Variants in ZNF429 observed in about 807,000 individuals in gnomAD.
ZNF429 encodes the protein zinc finger protein 429.
Under a neutral mutation model 56.8 loss-of-function variants are expected in ZNF429, and 53 were observed. The ratio of observed to expected loss-of-function variants is 0.93; its 90% CI spans 0.75 to 1.17. The LOEUF is 1.17. Among genes scored for constraint, ZNF429 ranks in the 50% most tolerant of loss-of-function variants. The pLI, the probability that ZNF429 is intolerant of heterozygous loss-of-function variation, is 0.00. For missense variants in ZNF429, 849 were observed against 788.4 expected (o/e 1.08, Z -0.92); for synonymous variants, 278 against 264.7 (o/e 1.05, Z -0.49).
intron 2 of ZNF429, among the ~76,000 whole-genome samples, chr19:21,530,116 G>T: frequency 6.6e-6 from 1 of 151,762 alleles, no homozygotes; most frequent in East Asian, 1.9e-4. Context: ...GCGTGAACCC[G>T]GGAGGTGGAG....
chr19:21,512,375 G>C (rs2032527474), intron 1 of ZNF429, among the ~76,000 whole-genome samples: 1 of 151,982 alleles, frequency 6.6e-6, no homozygotes. Flanking sequence ...ATGCGACTTA[G>C]AATGCCTTAA....
intron 1 of ZNF429, among the ~76,000 whole-genome samples, chr19:21,514,302 C>A (rs2032637355): frequency 6.6e-6 from 1 of 152,166 alleles, no homozygotes. Flanking sequence ...CTAAGCATAG[C>A]ATCAAACAGG....
chr19:21,517,633 CCA>C (rs2032809508), intron 1 of ZNF429, among the ~76,000 whole-genome samples: 1 of 147,954 alleles, frequency 6.8e-6, no homozygotes, highest in African/African-American at 2.5e-5. Flanking sequence ...GTTCTGGGCT[CCA>C]GTTTCTTTCT....
rs1277112128 is a variant in ZNF429 at position 21,536,356 on chromosome 19, G to T, written c.303G>T (p.Arg101Ser). 1.9e-6 allele frequency: 3 copies of T among 1,613,648 alleles called. No individual in the cohort carries two copies. In the Admixed American group the frequency reaches 5.0e-5, roughly 27 times the overall value. The part of the protein sequence containing the change: ...IKDSFQKVTL[R>S]RYDKRGHENL... ...ATTCTTTCCAAAAAGTGACACTGAG[G>T]AGATATGATAAACGTGGACATGAGA... The change falls in exon 4 of 4, where the codon AGG becomes AGT. Residue 101 changes from arginine to serine, a missense_variant. Arg to Ser is a moderately radical substitution (Grantham distance 110). Transcript: ENST00000358491.
At chr19:21,508,474 A>T (rs2032294660) in intron 1 of ZNF429, among the ~76,000 whole-genome samples, 1 of 152,160 alleles carries the variant, frequency 6.6e-6, no homozygotes, top group Admixed American at 6.6e-5. Context: ...TTTTCTTATC[A>T]GCACTGCCAC....
intron 1 of ZNF429, among the ~76,000 whole-genome samples, chr19:21,512,875 CTTT>C (rs796247587): frequency 2.1e-5 from 3 of 142,470 alleles, no homozygotes; most frequent in Admixed American, 7.1e-5. Flanking sequence ...CCATCTAAGT[CTTT>C]TTTTTTTTTT....
chr19:21,509,346 G>A (rs543839759), intron 1 of ZNF429, among the ~76,000 whole-genome samples: 1 of 152,232 alleles, frequency 6.6e-6, no homozygotes, highest in South Asian at 2.1e-4. Flanking sequence ...CATTTATAAA[G>A]GAATAGATAC....
rs199693920 is a variant in ZNF429 at position 21,536,883 on chromosome 19, G to A, written c.830G>A (p.Arg277Lys). 14 of 1,611,890 alleles carry A rather than the reference G, an allele frequency of 8.7e-6. No homozygotes were observed. Among genetic ancestry groups the A allele is most frequent in the Middle Eastern group, 1.6e-4 (1 of 6,082 alleles). Residue 277 changes from arginine (R) to lysine (K), a missense_variant, in exon 4 of 4, where the codon AGA (arginine) becomes AAA (lysine). Physicochemically the swap from Arg to Lys is conservative, Grantham distance 26. Coordinates refer to ENST00000358491, the MANE Select transcript of ZNF429 (RefSeq NM_001001415.4). ...TACTCAACCCTTACTACCCATAAGA[G>A]AATTCATTCTGGAGAGAAGCCCTAC... is the stretch of plus-strand genomic sequence containing the variant. Reference protein sequence around the residue: ...SRYSTLTTHKRIHSGEKPYKC... With the variant: ...SRYSTLTTHKKIHSGEKPYKC...
chr19:21,506,537 G>A (rs1281313475), intron 1 of ZNF429, among the ~76,000 whole-genome samples: 3 of 151,804 alleles, frequency 2.0e-5, no homozygotes, highest in African/African-American at 4.8e-5. Context: ...GCTGTGGGAT[G>A]TAGTTTGTGG....
At chr19:21,535,412 TTTTCTTTCTTTCTTTCTTTCTTTC>T in intron 3 of ZNF429, among the ~76,000 whole-genome samples, 2,846 of 55,132 alleles carry the variant, frequency 0.052, 233 homozygotes, top group Non-Finnish European at 0.067. Context: ...TTTCTTTTTC[TTTTCTTTCTTTCTTTCTTTCTTTC>T]TTTCTTTCTT....
Position 21,539,039 on chromosome 19 carries a change from T to A in ZNF429, c.*961T>A, listed in dbSNP as rs926306104. 2.6e-5 allele frequency among the ~76,000 whole-genome samples: 4 copies of A among 152,188 alleles called. No homozygotes were observed. The East Asian group carries it at 7.7e-4, about 29-fold the overall frequency. ...TTATATTGGAGAAAAATCCAGCAAGTGTAATAAATTTGGAAAAACTTTTTT... is the reference window on the plus strand; with the variant it reads ...TTATATTGGAGAAAAATCCAGCAAGAGTAATAAATTTGGAAAAACTTTTTT... On this transcript the variant is annotated 3_prime_UTR_variant, in exon 4 of 4. Coordinates refer to ENST00000358491, the MANE Select transcript of ZNF429 (RefSeq NM_001001415.4).
intron 1 of ZNF429, among the ~76,000 whole-genome samples, chr19:21,513,100 T>C (rs1021926446): frequency 1.3e-5 from 2 of 151,988 alleles, no homozygotes; most frequent in African/African-American, 4.8e-5. Flanking sequence ...CTCGATCTCC[T>C]GACCTCATGA....
At chr19:21,529,880 A>G in intron 2 of ZNF429, 96 bp downstream of exon 2, 3 of 923,482 alleles carry the variant, frequency 3.2e-6, no homozygotes, top group Non-Finnish European at 4.5e-6. Flanking sequence ...CTTTGCATAA[A>G]TGAGTTTCAG....
chr19:21,527,095 A>G (rs2033197501), intron 1 of ZNF429, among the ~76,000 whole-genome samples: 1 of 152,192 alleles, frequency 6.6e-6, no homozygotes, highest in Non-Finnish European at 1.5e-5. Flanking sequence ...GTGTTGTGAC[A>G]AGAGTCCTGA....
chr19:21,506,388 A>AC (rs1262654885), intron 1 of ZNF429, among the ~76,000 whole-genome samples: 1 of 149,780 alleles, frequency 6.7e-6, no homozygotes, highest in African/African-American at 2.5e-5. Flanking sequence ...AACCCAGGAG[A>AC]CCAAGATTGT....
At chr19:21,511,122 G>A (rs1181351664) in intron 1 of ZNF429, among the ~76,000 whole-genome samples, 3 of 152,284 alleles carry the variant, frequency 2.0e-5, no homozygotes, top group Admixed American at 6.5e-5. Flanking sequence ...GGTGGTGGCC[G>A]GGCAGAGGGG....
Position 21,536,600 on chromosome 19 carries a change from T to C in ZNF429, c.547T>C (p.Cys183Arg), listed in dbSNP as rs757042582. ...FQCKKCGKSFCMLSQLTQHKK... is the reference protein window; with the variant it reads ...FQCKKCGKSFRMLSQLTQHKK... ...GTGTAAAAAATGTGGCAAATCATTT[T>C]GCATGCTTTCACAACTAACTCAACA... Residue 183 changes from cysteine (C) to arginine (R), a missense_variant, in exon 4 of 4, where the codon TGC becomes CGC. Transcript: ENST00000358491. 7 of 1,613,800 alleles carry C rather than the reference T, an allele frequency of 4.3e-6. No homozygotes were observed. The highest frequency in any genetic ancestry group is 5.9e-6 in the Non-Finnish European group (7 of 1,179,858).
chr19:21,509,612 C>G (rs1334963355), intron 1 of ZNF429, among the ~76,000 whole-genome samples: 1 of 152,180 alleles, frequency 6.6e-6, no homozygotes, highest in Non-Finnish European at 1.5e-5. Context: ...CCTGCTCACC[C>G]CAGCCATGGA....
chr19:21,530,523 C>G, intron 2 of ZNF429, 66 bp from the exon 3 acceptor site: 1 of 1,109,502 alleles, frequency 9.0e-7, no homozygotes, highest in Non-Finnish European at 1.3e-6. Flanking sequence ...CTTTACTGAG[C>G]ACATTACTAA....
Sources: allele counts gnomAD v4.1 joint callset (sites outside exome capture counted in the v4.1 genomes callset), GRCh38; gene constraint gnomAD v4.1.1; transcripts MANE v1.5; gene names NCBI Gene and HGNC (gene_info 2026-07-23, HGNC 2026-07-21).